FGF3: variants seen among roughly 807,000 people sequenced by gnomAD.
The protein encoded by FGF3 is FGF-3.
In FGF3, 7 loss-of-function variants were observed where a neutral mutation model predicts 9.8. The ratio of observed to expected loss-of-function variants is 0.72; its 90% CI spans 0.41 to 1.35. The LOEUF is 1.35. FGF3 is among the 40% of genes most tolerant of loss of function. The pLI is 0.01. For missense variants in FGF3, 390 were observed against 345.6 expected, an observed-to-expected ratio of 1.13 and a Z score of -1.02; for synonymous variants, 173 against 157.2, an observed-to-expected ratio of 1.10 and a Z score of -0.75.
At chr11:69,815,157 G>A (rs60867267) in intron 2 of FGF3, among the ~76,000 whole-genome samples, 1 of 149,874 alleles carries the variant, frequency 6.7e-6, no homozygotes, top group South Asian at 2.1e-4. Context: ...GTGGATGGGT[G>A]GATGGGTAAA....
Position 69,810,241 on chromosome 11 carries a change from C to T in FGF3, c.*64G>A. 7.0e-7 allele frequency: 1 copy of T among 1,433,042 alleles called. No homozygotes were observed. The highest frequency in any genetic ancestry group is 2.4e-5 in the Admixed American group (1 of 41,206). The allele number at this position is 1,433,042 out of a possible 1,614,324, so 88.8% of individuals were successfully genotyped here. ...GGGGCAAGGGCTCAAGGAGGAGAGT[C>T]AGAGTCAAGAGGCTGCCACGCCAAG... On this transcript the variant is annotated 3_prime_UTR_variant, in exon 3 of 3. Transcript: ENST00000334134.
At chr11:69,814,915 TC>T (rs1246868438) in intron 2 of FGF3, among the ~76,000 whole-genome samples, 6 of 152,146 alleles carry the variant, frequency 3.9e-5, no homozygotes, top group African/African-American at 1.4e-4. Flanking sequence ...AAATCCTGGC[TC>T]CCCTATGGCA....
chr11:69,810,685 C>T lies in FGF3; in HGVS notation c.340G>A (p.Glu114Lys), dbSNP rs147952743. Reference sequence around the variant, plus strand: ...TGGATCCGCTCCACAAACTCGCACTCGGCGCTGTAGTGCTCCTGCGGGGAT... The same window carrying T: ...TGGATCCGCTCCACAAACTCGCACTTGGCGCTGTAGTGCTCCTGCGGGGAT... ...RLYASEHYSA[E>K]CEFVERIHEL... Residue 114 changes from glutamate to lysine, a missense_variant, in exon 3 of 3, where the codon GAG (glutamate) becomes AAG (lysine). Physicochemically the swap from Glu to Lys is moderately conservative, Grantham distance 56. Transcript: ENST00000334134. 1.3e-6 allele frequency: 2 copies of T among 1,590,018 alleles called. No homozygotes were observed. The highest frequency in any genetic ancestry group is 2.3e-5 in the South Asian group (2 of 88,416).
At chr11:69,818,604 G>C (rs1197017111) in intron 1 of FGF3, 110 bp downstream of exon 1, 7 of 773,090 alleles carry the variant, frequency 9.1e-6, no homozygotes, top group African/African-American at 1.9e-5. Context: ...TCCCGGGCCA[G>C]ACCCCTCCCC....
intron 1 of FGF3, chr11:69,817,523 C>T (rs1554981223): frequency 6.6e-6 from 1 of 152,290 alleles, no homozygotes; most frequent in African/African-American, 2.4e-5. Flanking sequence ...GAGGGGGAGC[C>T]TGGCTTTGGA....
In FGF3 at chr11:69,819,028, G is replaced by A; in HGVS notation, c.-95C>T. 2 of 752,176 alleles carry A rather than the reference G, an allele frequency of 2.7e-6. No homozygotes were observed. Among genetic ancestry groups the A allele is most frequent in the East Asian group, 6.7e-5 (2 of 29,662 alleles). 46.6% of individuals were successfully genotyped at this position (752,176 alleles called of 1,614,324 possible). A position where few individuals can be genotyped will look rare whatever the true frequency, so the allele number is the denominator to read the frequency against. On this transcript the variant is annotated 5_prime_UTR_variant, in exon 1 of 3. Transcript: ENST00000334134. ...GCCGGACAGCTGCGAGGTGCTCGGA[G>A]CGGGATCCCGCGCCTGGAGATGCTG...
intron 2 of FGF3, among the ~76,000 whole-genome samples, chr11:69,814,666 G>C (rs549884886): frequency 6.6e-6 from 1 of 152,270 alleles, no homozygotes; most frequent in East Asian, 1.9e-4. Flanking sequence ...AGGTGACGGA[G>C]TTGGCATCCA....
Position 69,818,799 on chromosome 11 carries a change from G to A in FGF3, c.135C>T (p.Arg45=). ...ACTTCGTGGCGCAGTAGAGCTTGCG[G>A]CGCCGGGGCGCCCCGCCAAGGTGCT... ...VYEHLGGAPR[R]RKLYCATKYH... The change falls in exon 1 of 3, where the codon CGC becomes CGT. Residue 45 remains arginine, a synonymous_variant. Coordinates refer to ENST00000334134, the MANE Select transcript of FGF3 (RefSeq NM_005247.4). 1 of 1,491,788 alleles carries A rather than the reference G, an allele frequency of 6.7e-7. No homozygotes were observed. Among genetic ancestry groups the A allele is most frequent in the Non-Finnish European group, 8.9e-7 (1 of 1,127,756 alleles). The allele number at this position is 1,491,788 out of a possible 1,614,324, so 92.4% of individuals were successfully genotyped here. A position where few individuals can be genotyped will look rare whatever the true frequency, so the allele number is the denominator to read the frequency against.
intron 2 of FGF3, among the ~76,000 whole-genome samples, chr11:69,814,218 T>A (rs1206223676): frequency 6.6e-6 from 1 of 151,744 alleles, no homozygotes; most frequent in African/African-American, 2.4e-5. Context: ...AGGTGGGAAG[T>A]GATGAGCCTG....
Position 69,813,724 on chromosome 11 carries a change from A to C in FGF3, c.324+2596T>G, listed in dbSNP as rs139424595. 1.8e-3 allele frequency among the ~76,000 whole-genome samples: 241 copies of C among 131,666 alleles called. 9 individuals are homozygous for C. In the East Asian group the frequency reaches 0.046, roughly 25 times the overall value. The allele number at this position is 131,666 out of a possible 152,430, so 86.4% of individuals were successfully genotyped here. On this transcript the variant is annotated intron_variant, in intron 2 of 2. Coordinates refer to ENST00000334134, the MANE Select transcript of FGF3 (RefSeq NM_005247.4). Reference sequence around the variant, plus strand: ...GATAGGTGGATGGATGGATAGGTGGATGGATGGATGGGTGGATGGCTGGAT... The same window carrying C: ...GATAGGTGGATGGATGGATAGGTGGCTGGATGGATGGGTGGATGGCTGGAT...
chr11:69,811,381 C>G (rs1856027294), intron 2 of FGF3, among the ~76,000 whole-genome samples: 1 of 140,534 alleles, frequency 7.1e-6, no homozygotes, highest in Non-Finnish European at 1.5e-5. Context: ...ACCCGGGAGG[C>G]AGAGGTTGCA....
rs1253388492 is a variant in FGF3, at chr11:69,810,107, G to T, written c.*198C>A. 4 of 564,686 alleles carry T rather than the reference G, an allele frequency of 7.1e-6. No individual in the cohort carries two copies. Among genetic ancestry groups the T allele is most frequent in the Admixed American group, 6.8e-5 (2 of 29,442 alleles). 35.0% of individuals were successfully genotyped at this position (564,686 alleles called of 1,614,324 possible). ...TGCCACACAGACCCACAAATGCCCT[G>T]CATTGCAGGCAGCCCCCTCCGAGCT... is the stretch of plus-strand genomic sequence containing the variant. On this transcript the variant is annotated 3_prime_UTR_variant, in exon 3 of 3. Coordinates refer to ENST00000334134, the MANE Select transcript of FGF3 (RefSeq NM_005247.4).
chr11:69,812,672 C>A (rs1236561133), intron 2 of FGF3, among the ~76,000 whole-genome samples: 2 of 152,130 alleles, frequency 1.3e-5, no homozygotes, highest in African/African-American at 4.8e-5. Context: ...CCACCCCACA[C>A]ACTGGGTACA....
At chr11:69,816,690 C>A (rs944153576) in intron 1 of FGF3, among the ~76,000 whole-genome samples, 5 of 152,240 alleles carry the variant, frequency 3.3e-5, no homozygotes, top group Admixed American at 6.5e-5. Flanking sequence ...GCTGCCTGCA[C>A]CCTGGCTTTC....
intron 2 of FGF3, among the ~76,000 whole-genome samples, chr11:69,811,434 G>A (rs1856028109): frequency 9.8e-6 from 1 of 101,918 alleles, no homozygotes; most frequent in African/African-American, 4.0e-5. Context: ...TGGGCGACAA[G>A]AGCAAAACTC....
chr11:69,815,129 GGATGGATA>G (rs1565115608), intron 2 of FGF3, among the ~76,000 whole-genome samples: 1 of 110,906 alleles, frequency 9.0e-6, no homozygotes, highest in Non-Finnish European at 2.0e-5. Context: ...ATGGATGGAT[GGATGGATA>G]GGTGGATGGG....
chr11:69,818,867 C>T lies in FGF3; in HGVS notation c.67G>A (p.Ala23Thr), dbSNP rs1554981425. The change falls in exon 1 of 3, where the codon GCG becomes ACG. Residue 23 changes from alanine to threonine, a missense_variant. Transcript: ENST00000334134. ...CCGCCCGCATCGCGCCGCAACCGCG[C>T]CCCAGGGCCCGCTGCGGGCCAGCCG... ...EPGWPAAGPG[A>T]RLRRDAGGRG... 2.0e-6 allele frequency: 3 copies of T among 1,463,634 alleles called. No individual in the cohort carries two copies. The highest frequency in any genetic ancestry group is 2.7e-6 in the Non-Finnish European group (3 of 1,114,188). 90.7% of individuals were successfully genotyped at this position (1,463,634 alleles called of 1,614,324 possible).
chr11:69,816,297 C>A (rs1554981071), intron 2 of FGF3, 23 bp downstream of exon 2: 2 of 1,574,398 alleles, frequency 1.3e-6, no homozygotes, highest in Non-Finnish European at 1.7e-6. Flanking sequence ...TCAGCGCCCA[C>A]CCACGTGACA....
In FGF3 at chr11:69,810,508, G is replaced by A; in HGVS notation, c.517C>T (p.Gln173Ter). 1 of 1,611,012 alleles carries A rather than the reference G, an allele frequency of 6.2e-7. No homozygotes were observed. Among genetic ancestry groups the A allele is most frequent in the Non-Finnish European group, 8.5e-7 (1 of 1,178,976 alleles). Reference sequence around the variant, plus strand: ...CGGGGCAGGAACAGGGAGGACTTCTGTGTGCGGCGGGTCTTGAAGCCCCTG... The same window carrying A: ...CGGGGCAGGAACAGGGAGGACTTCTATGTGCGGCGGGTCTTGAAGCCCCTG... ...PRRGFKTRRT[Q>*]KSSLFLPRVL... Residue 173 changes from glutamine to a stop codon, truncating the protein, a stop_gained, in exon 3 of 3, where the codon CAG becomes TAG. Coordinates refer to ENST00000334134, the MANE Select transcript of FGF3 (RefSeq NM_005247.4). LOFTEE classifies it low-confidence loss of function (END_TRUNC).
Sources: allele counts gnomAD v4.1 joint callset (sites outside exome capture counted in the v4.1 genomes callset), GRCh38; gene constraint gnomAD v4.1.1; transcripts MANE v1.5; gene names NCBI Gene and HGNC (gene_info 2026-07-23, HGNC 2026-07-21).